The following ZNF385A variants were observed in gnomAD, a reference collection of about 807,000 sequenced individuals.
ZNF385A encodes hematopoietic zinc finger protein.
In ZNF385A, 14 loss-of-function variants were observed where a neutral mutation model predicts 32.1. The ratio of observed to expected loss-of-function variants is 0.44; its 90% CI spans 0.29 to 0.68. The LOEUF (loss-of-function observed/expected upper bound fraction) is 0.68. Among genes scored for constraint, ZNF385A ranks in the 30% least tolerant of loss-of-function variants. The probability of loss-of-function intolerance (pLI) is 0.14; values close to 1 mark genes in which losing one functional copy is unlikely to be tolerated. For missense variants in ZNF385A, 406 were observed against 478.4 expected (o/e 0.85, Z 1.41); for synonymous variants, 197 against 202.7 (o/e 0.97, Z 0.24).
intron 1 of ZNF385A, among the ~76,000 whole-genome samples, chr12:54,380,528 C>A (rs576662657): frequency 6.6e-6 from 1 of 152,162 alleles, no homozygotes; most frequent in South Asian, 2.1e-4. Context: ...CATTCCCCTG[C>A]AGAATTTGAC....
intron 3 of ZNF385A, chr12:54,373,045 C>T (rs900928745): frequency 5.9e-6 from 1 of 169,290 alleles, no homozygotes; most frequent in African/African-American, 2.4e-5. Flanking sequence ...TCTCAAAAAA[C>T]AAACAAACAA....
Position 54,370,467 on chromosome 12 carries a change from T to A in ZNF385A, c.890A>T (p.Lys297Met). The change falls in exon 7 of 7, where the codon AAG becomes ATG. Residue 297 changes from lysine to methionine, a missense_variant. By Grantham distance (95) the Lys-to-Met change is moderately conservative. Coordinates refer to ENST00000394313, the MANE Select transcript of ZNF385A (RefSeq NM_015481.3). This position sits in a 1 kb window ranked among gnomAD's most constrained non-coding sequence, Gnocchi z 5.5. ...GELAGTLTFSKELPKSLAGGL... is the reference protein window; with the variant it reads ...GELAGTLTFSMELPKSLAGGL... ...GCCCGCCAGGGACTTGGGCAGCTCC[T>A]TGGAGAAAGTCAGCGTGCCCTGAAG... 1 of 1,551,250 alleles carries A rather than the reference T, an allele frequency of 6.4e-7. No homozygotes were observed. The highest frequency in any genetic ancestry group is 8.7e-7 in the Non-Finnish European group (1 of 1,146,800).
Position 54,373,729 on chromosome 12 carries a change from T to C in ZNF385A, c.361+244A>G, listed in dbSNP as rs934614993. ...AGGTGGCCTCACCCTAGCCCCTCTCTGAGTCACTGGGCTGTGGGGAGGACA... is the reference window on the plus strand; with the variant it reads ...AGGTGGCCTCACCCTAGCCCCTCTCCGAGTCACTGGGCTGTGGGGAGGACA... On this transcript the variant is annotated intron_variant, in intron 3 of 6. Coordinates refer to ENST00000394313, the MANE Select transcript of ZNF385A (RefSeq NM_015481.3). 1.5e-4 allele frequency among the ~76,000 whole-genome samples: 23 copies of C among 152,294 alleles called. No homozygotes were observed. The East Asian group carries it at 3.3e-3, about 22-fold the overall frequency.
upstream of ZNF385A, among the ~76,000 whole-genome samples, chr12:54,389,032 A>T (rs779020830): frequency 3.3e-5 from 5 of 152,116 alleles, no homozygotes; most frequent in Non-Finnish European, 7.4e-5. Flanking sequence ...GTTGACTGGG[A>T]AGGGGAGAGC....
At chr12:54,388,046 A>AGTGTGTGTGTGTGT (rs10665764), upstream of ZNF385A, among the ~76,000 whole-genome samples, 128 of 140,526 alleles carry the variant, frequency 9.1e-4, no homozygotes, top group African/African-American at 3.1e-3. Flanking sequence ...AGTGTGTGTA[A>AGTGTGTGTGTGTGT]GTGTGTGTGT....
At chr12:54,378,621 G>C (rs1954967428) in intron 1 of ZNF385A, among the ~76,000 whole-genome samples, 1 of 152,254 alleles carries the variant, frequency 6.6e-6, no homozygotes, top group African/African-American at 2.4e-5. Context: ...AAGACGAAAA[G>C]GGAAAGGTGG....
upstream of ZNF385A, among the ~76,000 whole-genome samples, chr12:54,387,122 C>G (rs1490113466): frequency 6.6e-6 from 1 of 152,176 alleles, no homozygotes; most frequent in Non-Finnish European, 1.5e-5. Flanking sequence ...CCATCTTGTT[C>G]AAGGAGAGGA....
chr12:54,390,708 C>A (rs1955616661), intron 1 of ZNF385A, among the ~76,000 whole-genome samples: 1 of 151,138 alleles, frequency 6.6e-6, no homozygotes, highest in Non-Finnish European at 1.5e-5. Flanking sequence ...CTCTTATCTC[C>A]GGCCCTCAGG....
upstream of ZNF385A, chr12:54,384,890 G>C (rs932920170): frequency 8.4e-6 from 9 of 1,076,754 alleles, no homozygotes; most frequent in Non-Finnish European, 1.0e-5. Context: ...GAACCAGCAG[G>C]ACTCCCAGCC....
At chr12:54,386,831 G>A (rs974210556), upstream of ZNF385A, among the ~76,000 whole-genome samples, 10 of 152,214 alleles carry the variant, frequency 6.6e-5, no homozygotes, top group Admixed American at 6.5e-4. Flanking sequence ...AGGCTACTAT[G>A]TGCCAGGTAA....
At chr12:54,371,217 T>C in intron 4 of ZNF385A, 121 bp from the exon 5 acceptor site, 1 of 1,191,862 alleles carries the variant, frequency 8.4e-7, no homozygotes, top group Non-Finnish European at 1.1e-6. Flanking sequence ...CAGTGTGGGT[T>C]CTTTCTAACT....
Position 54,370,836 on chromosome 12 carries a change from TGAA to T in ZNF385A, c.774+88_774+90del, listed in dbSNP as rs2137156760. 1.2e-6 allele frequency: 2 copies of T among 1,604,130 alleles called. No homozygotes were observed. The highest frequency in any genetic ancestry group is 1.1e-5 in the South Asian group (1 of 90,728). ...CCATCTGGCCCCCTGGGGAAAACTC[TGAA>T]GAAGGGCCTTTACTCAAGCTCCTTG... On this transcript the variant is annotated intron_variant, in intron 5 of 6. Transcript: ENST00000394313. This position sits in a 1 kb window ranked among gnomAD's most constrained non-coding sequence, Gnocchi z 5.5.
chr12:54,388,046 AGTGTGTGTGTGTGTGTGTGT>A (rs10665764), upstream of ZNF385A, among the ~76,000 whole-genome samples: 2 of 140,430 alleles, frequency 1.4e-5, no homozygotes, highest in Admixed American at 7.1e-5. Flanking sequence ...AGTGTGTGTA[AGTGTGTGTGTGTGTGTGTGT>A]GTGTGTGTGT....
intron 3 of ZNF385A, 101 bp downstream of exon 3, chr12:54,373,872 C>G: frequency 1.5e-6 from 2 of 1,305,164 alleles, no homozygotes; most frequent in Non-Finnish European, 2.0e-6. Context: ...GGTATAGGGA[C>G]TGAGGAAGAG....
rs774056314 is a variant in ZNF385A at position 54,370,896 on chromosome 12, C to T, written c.774+31G>A. 1.1e-5 allele frequency: 17 copies of T among 1,613,934 alleles called. No homozygotes were observed. Among genetic ancestry groups the T allele is most frequent in the Non-Finnish European group, 1.2e-5 (14 of 1,179,970 alleles). The stretch of plus-strand genomic sequence containing the variant: ...TTCCCCACTTAGCGGGTGGAGCGTC[C>T]CAGAATTCCTGGGAAGGGCCTTAGA... On this transcript the variant is annotated intron_variant, in intron 5 of 6. Transcript: ENST00000394313. This position sits in a 1 kb window ranked among gnomAD's most constrained non-coding sequence, Gnocchi z 5.5.
intron 1 of ZNF385A, among the ~76,000 whole-genome samples, chr12:54,382,451 T>A (rs1452474290): frequency 2.0e-5 from 3 of 152,236 alleles, no homozygotes; most frequent in African/African-American, 4.8e-5. Flanking sequence ...GGTATAACGA[T>A]AAGTCTGTTT....
chr12:54,376,239 G>T (rs534253559), intron 1 of ZNF385A, among the ~76,000 whole-genome samples: 12 of 152,110 alleles, frequency 7.9e-5, no homozygotes, highest in Admixed American at 7.2e-4. Context: ...TCTGAACCTG[G>T]ATTCCTGCCT....
At chr12:54,388,082 T>TGG (rs1955542583), upstream of ZNF385A, among the ~76,000 whole-genome samples, 1 of 149,914 alleles carries the variant, frequency 6.7e-6, no homozygotes, top group African/African-American at 2.5e-5. Flanking sequence ...TGTGTGTGTG[T>TGG]GGCACCCATG....
At position 54,369,720 on chromosome 12, in the gene ZNF385A, G is replaced by T. The variant is rs983023654; in HGVS notation, c.*536C>A. 2.6e-5 allele frequency: 4 copies of T among 153,018 alleles called. No homozygotes were observed. Among genetic ancestry groups the T allele is most frequent in the African/African-American group, 9.6e-5 (4 of 41,574 alleles). 9.5% of individuals were successfully genotyped at this position (153,018 alleles called of 1,614,324 possible). A position where few individuals can be genotyped will look rare whatever the true frequency, so the allele number is the denominator to read the frequency against. On this transcript the variant is annotated 3_prime_UTR_variant, in exon 7 of 7. Coordinates refer to ENST00000394313, the MANE Select transcript of ZNF385A (RefSeq NM_015481.3). ...CTGGGGCTAGGGCATGGTGCGGGGC[G>T]GGCACAGTGAGGTTGCAGGCGGTAA...
Sources: gnomAD v4.1 joint callset for allele counts (sites outside exome capture counted in the v4.1 genomes callset) on GRCh38, gnomAD v4.1.1 for gene constraint, Gnocchi (gnomAD v3.1) non-coding constraint, MANE v1.5 for transcripts, NCBI Gene and HGNC (gene_info 2026-07-23, HGNC 2026-07-21) for gene names.